Variants in SPINK14 observed in about 807,000 individuals in gnomAD.
The protein encoded by SPINK14 is serine protease inhibitor Kazal-type 14.
A neutral mutation model predicts 14.2 loss-of-function variants in SPINK14; 6 were observed. The ratio of observed to expected loss-of-function variants is 0.42; its 90% confidence interval spans 0.23 to 0.83. The LOEUF (loss-of-function observed/expected upper bound fraction) is 0.83, where lower values mean the gene tolerates loss of function less well. Ranked by LOEUF, SPINK14 falls within the 40% of genes least tolerant of loss-of-function variation. The pLI, the probability that SPINK14 is intolerant of heterozygous loss-of-function variation, is 0.28. For synonymous variants in SPINK14, 34 were observed against 36.8 expected, an observed-to-expected ratio of 0.92 and a Z score of 0.27; for missense variants, 86 against 108.3, an observed-to-expected ratio of 0.79 and a Z score of 0.91.
At chr5:148,170,286 T>C (rs1755088044) in intron 2 of SPINK14, among the ~76,000 whole-genome samples, 1 of 151,754 alleles carries the variant, frequency 6.6e-6, no homozygotes, top group Admixed American at 6.6e-5. Flanking sequence ...ATGCCGATTA[T>C]GAGATTTAAC....
intron 4 of SPINK14, among the ~76,000 whole-genome samples, 189 bp downstream of exon 4, chr5:148,174,559 A>G (rs1275282745): frequency 1.0e-5 from 1 of 98,196 alleles, no homozygotes; most frequent in African/African-American, 4.2e-5. Flanking sequence ...AAGTAGACTC[A>G]TTGTACCGAA....
At chr5:148,172,699 G>A (rs981559319) in intron 3 of SPINK14, among the ~76,000 whole-genome samples, 4 of 152,072 alleles carry the variant, frequency 2.6e-5, no homozygotes, top group East Asian at 1.9e-4. Flanking sequence ...AGTTGTGACC[G>A]TATTTTAATA....
intron 3 of SPINK14, among the ~76,000 whole-genome samples, chr5:148,172,646 C>A (rs958223604): frequency 1.3e-5 from 2 of 152,012 alleles, no homozygotes; most frequent in Non-Finnish European, 2.9e-5. Flanking sequence ...TAAACAAATG[C>A]GTTGTTACAA....
At chr5:148,173,199 T>A (rs1755129657) in intron 3 of SPINK14, among the ~76,000 whole-genome samples, 1 of 151,480 alleles carries the variant, frequency 6.6e-6, no homozygotes, top group Non-Finnish European at 1.5e-5. Context: ...AGCCAAAACT[T>A]TCTCCTACTT....
intron 1 of SPINK14, among the ~76,000 whole-genome samples, chr5:148,168,820 T>A (rs528512115): frequency 6.6e-6 from 1 of 152,248 alleles, no homozygotes; most frequent in Admixed American, 6.5e-5. Context: ...CTGGCTACAT[T>A]TTAATGTCTT....
intron 2 of SPINK14, among the ~76,000 whole-genome samples, chr5:148,170,114 C>T (rs1195162222): frequency 6.8e-6 from 1 of 147,406 alleles, no homozygotes; most frequent in East Asian, 2.0e-4. Context: ...TATATATATA[C>T]TCTGAGTATA....
At chr5:148,169,914 A>G (rs1316540542) in intron 2 of SPINK14, 115 bp downstream of exon 2, 5 of 519,648 alleles carry the variant, frequency 9.6e-6, no homozygotes, top group African/African-American at 4.1e-5. Flanking sequence ...ATATATATAT[A>G]TGTGTATATA....
Position 148,170,925 on chromosome 5 carries a change from T to C in SPINK14, c.68-5T>C. 6.2e-7 allele frequency: 1 copy of C among 1,610,752 alleles called. No individual in the cohort carries two copies. Among genetic ancestry groups the C allele is most frequent in the Non-Finnish European group, 8.5e-7 (1 of 1,177,348 alleles). The stretch of plus-strand genomic sequence containing the variant: ...ATTCTGTAACTATTTTCATGTATTC[T>C]CTAGTTTCAGGCCCTAGACACTGGT... On this transcript the variant is annotated splice_polypyrimidine_tract_variant and splice_region_variant and intron_variant, in intron 2 of 4. Coordinates refer to ENST00000356972, the MANE Select transcript of SPINK14 (RefSeq NM_001001325.2).
At chr5:148,168,956 G>A (rs1755065712) in intron 1 of SPINK14, among the ~76,000 whole-genome samples, 1 of 152,134 alleles carries the variant, frequency 6.6e-6, no homozygotes, top group South Asian at 2.1e-4. Context: ...CTAGAATTAG[G>A]AATGGAGGAA....
chr5:148,169,836 T>C (rs760422982), intron 2 of SPINK14, 37 bp downstream of exon 2: 5 of 1,566,282 alleles, frequency 3.2e-6, no homozygotes, highest in Middle Eastern at 1.7e-4. Flanking sequence ...GCAGTTGAAA[T>C]TGATTTGTGG....
At chr5:148,169,443 G>A (rs796291272) in intron 1 of SPINK14, among the ~76,000 whole-genome samples, 1 of 152,106 alleles carries the variant, frequency 6.6e-6, no homozygotes, top group Non-Finnish European at 1.5e-5. Flanking sequence ...TATGCCCACA[G>A]AGTAACCTAT....
At chr5:148,171,004 T>G (rs758389425) in intron 3 of SPINK14, 31 bp downstream of exon 3, 1 of 1,601,720 alleles carries the variant, frequency 6.2e-7, no homozygotes, top group Admixed American at 1.7e-5. Flanking sequence ...CCCCCAGGAC[T>G]TACATTATAA....
At position 148,171,207 on chromosome 5, in the gene SPINK14, G is replaced by A. The variant is rs570808324; in HGVS notation, c.111+234G>A. ...CACCAGAGAACCCTCTTTAGTGCCT[G>A]AGAAATATTGAAGAGTATTGACAAT... On this transcript the variant is annotated intron_variant, in intron 3 of 4. Coordinates refer to ENST00000356972, the MANE Select transcript of SPINK14 (RefSeq NM_001001325.2). Among the ~76,000 whole-genome samples the A allele has an allele frequency of 3.3e-5, 5 of 152,288 alleles. No homozygotes were observed. In the East Asian group the frequency reaches 9.6e-4, roughly 29 times the overall value.
chr5:148,170,720 G>A (rs554760865), intron 2 of SPINK14, among the ~76,000 whole-genome samples: 1 of 152,194 alleles, frequency 6.6e-6, no homozygotes, highest in South Asian at 2.1e-4. Flanking sequence ...AAACAGTGAT[G>A]CATCTATATA....
At position 148,169,791 on chromosome 5, in the gene SPINK14, T is replaced by C. The variant is rs749062438; in HGVS notation, c.59T>C (p.Leu20Ser). Reference protein sequence around the residue: ...LLSFILIHLVLSSVSGPRHWW... With the variant: ...LLSFILIHLVSSSVSGPRHWW... Reference sequence around the variant, plus strand: ...TCCTTTATCTTGATACATTTGGTGTTATCTTCTGGTGAGTAATTTAGCTGG... The same window carrying C: ...TCCTTTATCTTGATACATTTGGTGTCATCTTCTGGTGAGTAATTTAGCTGG... The change falls in exon 2 of 5, where the codon TTA becomes TCA. Residue 20 changes from leucine (L) to serine (S), a missense_variant. Coordinates refer to ENST00000356972, the MANE Select transcript of SPINK14 (RefSeq NM_001001325.2). 6.2e-7 allele frequency: 1 copy of C among 1,610,918 alleles called. No homozygotes were observed. The highest frequency in any genetic ancestry group is 8.5e-7 in the Non-Finnish European group (1 of 1,178,392).
intron 4 of SPINK14, among the ~76,000 whole-genome samples, chr5:148,174,903 C>A (rs1397616090): frequency 6.6e-6 from 1 of 152,078 alleles, no homozygotes; most frequent in Admixed American, 6.6e-5. Context: ...GAGTGCATTT[C>A]ACAGAGAGAA....
At position 148,173,499 on chromosome 5, in the gene SPINK14, A is replaced by G. The variant is rs1215054362; in HGVS notation, c.112-735A>G. On this transcript the variant is annotated intron_variant, in intron 3 of 4. Transcript: ENST00000356972. ...AAATGGCTTGAGGATTTAGAGAGTG[A>G]AAAAAAAGTGATAAATATTTGAAAT... 6.3e-5 allele frequency among the ~76,000 whole-genome samples: 2 copies of G among 31,536 alleles called. 1 individual carries two copies. Among genetic ancestry groups the G allele is most frequent in the African/African-American group, 3.0e-4 (2 of 6,764 alleles). The allele number at this position is 31,536 out of a possible 152,430, so 20.7% of individuals were successfully genotyped here.
chr5:148,170,882 T>C (rs1581128940), intron 2 of SPINK14, 48 bp from the exon 3 acceptor site: 24 of 1,528,794 alleles, frequency 1.6e-5, no homozygotes, highest in Non-Finnish European at 2.2e-5. Context: ...GATTAAGCTA[T>C]GATTTAACAG....
At chr5:148,171,711 A>G (rs529687370) in intron 3 of SPINK14, among the ~76,000 whole-genome samples, 2 of 152,244 alleles carry the variant, frequency 1.3e-5, no homozygotes, top group Admixed American at 6.6e-5. Flanking sequence ...AAAGTCTGTC[A>G]TGAGTTGACT....
Sources: allele counts gnomAD v4.1 joint callset (sites outside exome capture counted in the v4.1 genomes callset), GRCh38; gene constraint gnomAD v4.1.1; transcripts MANE v1.5; gene names NCBI Gene and HGNC (gene_info 2026-07-23, HGNC 2026-07-21).